Variants in GABRA4 observed in about 807,000 individuals in gnomAD.
GABRA4 encodes gamma-aminobutyric acid receptor subunit alpha-4.
GABRA4 carries 12 observed loss-of-function variants against 49.7 expected under a neutral mutation model. That is an observed-to-expected ratio of 0.24 (90% CI 0.15 to 0.39). The LOEUF (loss-of-function observed/expected upper bound fraction) is 0.39. GABRA4 is among the 10% of genes least tolerant of loss of function. The pLI is 1.00. For synonymous variants in GABRA4, 288 were observed against 240.2 expected, an observed-to-expected ratio of 1.20 and a Z score of -1.84; for missense variants, 506 against 686.0, an observed-to-expected ratio of 0.74 and a Z score of 2.93.
At chr4:46,963,145 A>G (rs1220525926) in intron 8 of GABRA4, among the ~76,000 whole-genome samples, 1 of 151,884 alleles carries the variant, frequency 6.6e-6, no homozygotes, top group Non-Finnish European at 1.5e-5. Context: ...TACAATCAAC[A>G]AAGTGAAGTG....
At chr4:46,945,219 T>C (rs1007841854) in intron 8 of GABRA4, among the ~76,000 whole-genome samples, 5 of 152,154 alleles carry the variant, frequency 3.3e-5, no homozygotes, top group Admixed American at 2.6e-4. Context: ...GAATATTAAC[T>C]GATAACCAGA....
At chr4:46,983,580 T>C (rs1723431353) in intron 2 of GABRA4, among the ~76,000 whole-genome samples, 2 of 152,140 alleles carry the variant, frequency 1.3e-5, no homozygotes, top group Non-Finnish European at 2.9e-5. Flanking sequence ...ACTGTCTTAT[T>C]TGTATTTGTA....
At chr4:46,973,099 T>C (rs17599423) in intron 6 of GABRA4, among the ~76,000 whole-genome samples, 7,640 of 151,800 alleles carry the variant, frequency 0.05, 252 homozygotes, top group East Asian at 0.17. Flanking sequence ...AATGTTATAG[T>C]AGTATCCACT....
At chr4:46,992,417 A>G (rs1038866253) in intron 2 of GABRA4, among the ~76,000 whole-genome samples, 3 of 152,348 alleles carry the variant, frequency 2.0e-5, no homozygotes, top group Admixed American at 1.3e-4. Flanking sequence ...TGGCATAGGC[A>G]TGGACACGTG....
intron 8 of GABRA4, among the ~76,000 whole-genome samples, chr4:46,953,660 G>A (rs1275923124): frequency 6.6e-6 from 1 of 152,138 alleles, no homozygotes; most frequent in Non-Finnish European, 1.5e-5. Flanking sequence ...ATGAAAAGTA[G>A]ATGATCTAAA....
At chr4:46,988,700 G>C (rs886423239) in intron 2 of GABRA4, among the ~76,000 whole-genome samples, 2 of 152,140 alleles carry the variant, frequency 1.3e-5, no homozygotes, top group African/African-American at 4.8e-5. Flanking sequence ...CACTTCTTTA[G>C]AGGAAATGTA....
chr4:46,956,188 T>C (rs1187072767), intron 8 of GABRA4, among the ~76,000 whole-genome samples: 1 of 151,818 alleles, frequency 6.6e-6, no homozygotes, highest in African/African-American at 2.4e-5. Context: ...CAGGTATGAG[T>C]TTGGGGAGGT....
intron 8 of GABRA4, among the ~76,000 whole-genome samples, chr4:46,959,661 G>A (rs891225235): frequency 6.8e-6 from 1 of 147,298 alleles, no homozygotes; most frequent in Non-Finnish European, 1.5e-5. Context: ...TCCCATCTTT[G>A]GAAATTCAGC....
At chr4:46,939,187 G>A (rs966273275) in intron 8 of GABRA4, among the ~76,000 whole-genome samples, 7 of 151,924 alleles carry the variant, frequency 4.6e-5, no homozygotes, top group South Asian at 2.1e-4. Flanking sequence ...ACTCTTCCTC[G>A]TCAACAGAAA....
In GABRA4 at chr4:46,920,810, T is replaced by C. The variant is rs1390920729; in HGVS notation, c.*7415A>G. On this transcript the variant is annotated 3_prime_UTR_variant, in exon 9 of 9. Coordinates refer to ENST00000264318, the MANE Select transcript of GABRA4 (RefSeq NM_000809.4). ...AGATGAAATGTATACAGTAGAAAAA[T>C]TAAAGAAGACTATAATTAGTTTTAA... The C allele has an allele frequency of 6.6e-6, 1 of 151,774 alleles. No homozygotes were observed. The highest frequency in any genetic ancestry group is 6.6e-5 in the Admixed American group (1 of 15,222). 9.4% of individuals were successfully genotyped at this position (151,774 alleles called of 1,614,324 possible). A position where few individuals can be genotyped will look rare whatever the true frequency, so the allele number is the denominator to read the frequency against.
At position 46,924,404 on chromosome 4, in the gene GABRA4, T is replaced by C. The variant is rs1463859232; in HGVS notation, c.*3821A>G. On this transcript the variant is annotated 3_prime_UTR_variant, in exon 9 of 9. Coordinates refer to ENST00000264318, the MANE Select transcript of GABRA4 (RefSeq NM_000809.4). ...GGCCCTGCTGTATTCTACTGAAGCA[T>C]TAGTTACATCCCATAATTTTTTGTC... 2.0e-5 allele frequency: 3 copies of C among 152,024 alleles called. No individual in the cohort carries two copies. Among genetic ancestry groups the C allele is most frequent in the Non-Finnish European group, 4.4e-5 (3 of 67,966 alleles). The allele number at this position is 152,024 out of a possible 1,614,324, so 9.4% of individuals were successfully genotyped here.
chr4:46,952,684 T>C (rs956249046), intron 8 of GABRA4, among the ~76,000 whole-genome samples: 1 of 152,070 alleles, frequency 6.6e-6, no homozygotes, highest in Admixed American at 6.6e-5. Flanking sequence ...GAATGAATAA[T>C]CTTACTCAGT....
intron 8 of GABRA4, among the ~76,000 whole-genome samples, chr4:46,942,923 A>AT (rs1390380050): frequency 4.0e-5 from 6 of 151,886 alleles, no homozygotes; most frequent in Non-Finnish European, 8.8e-5. Context: ...TCTCCCCCCA[A>AT]TTTTTTCTAA....
At chr4:46,941,860 A>T (rs1485002317) in intron 8 of GABRA4, among the ~76,000 whole-genome samples, 1 of 152,150 alleles carries the variant, frequency 6.6e-6, no homozygotes, top group Non-Finnish European at 1.5e-5. Flanking sequence ...TAAAAGGCTT[A>T]AAAGGTTTCC....
Position 46,919,417 on chromosome 4 carries a change from A to T in GABRA4, c.*8808T>A, listed in dbSNP as rs1475122837. On this transcript the variant is annotated 3_prime_UTR_variant, in exon 9 of 9. Transcript: ENST00000264318. ...GTCAAATGTGATTACTAAAACCTCA[A>T]GAAATGTGTTCTTGAGGAAGTAATT... 6.6e-6 allele frequency: 1 copy of T among 151,582 alleles called. No individual in the cohort carries two copies. The highest frequency in any genetic ancestry group is 2.4e-5 in the African/African-American group (1 of 41,412). The allele number at this position is 151,582 out of a possible 1,614,324, so 9.4% of individuals were successfully genotyped here.
chr4:46,975,753 A>G (rs1472477977), intron 5 of GABRA4, among the ~76,000 whole-genome samples: 1 of 151,966 alleles, frequency 6.6e-6, no homozygotes, highest in African/African-American at 2.4e-5. Flanking sequence ...GACTTCCTCT[A>G]CATGAGAACT....
At chr4:46,992,803 C>G (rs563353898) in intron 2 of GABRA4, 25 bp downstream of exon 2, 1 of 1,524,690 alleles carries the variant, frequency 6.6e-7, no homozygotes, top group African/African-American at 1.4e-5. Flanking sequence ...ACAGGACACA[C>G]TTGCGCGTTT....
At chr4:46,957,077 A>G (rs1024636524) in intron 8 of GABRA4, among the ~76,000 whole-genome samples, 36 of 151,974 alleles carry the variant, frequency 2.4e-4, no homozygotes, top group African/African-American at 8.4e-4. Context: ...CACAGATACT[A>G]TTTACTGGTC....
intron 2 of GABRA4, among the ~76,000 whole-genome samples, chr4:46,988,281 C>T (rs145941119): frequency 2.6e-5 from 4 of 152,168 alleles, no homozygotes; most frequent in African/African-American, 7.2e-5. Flanking sequence ...ATTCATCTCT[C>T]TATAATGCTT....
Sources: allele counts gnomAD v4.1 joint callset (sites outside exome capture counted in the v4.1 genomes callset), GRCh38; gene constraint gnomAD v4.1.1; transcripts MANE v1.5; gene names NCBI Gene and HGNC (gene_info 2026-07-23, HGNC 2026-07-21).